The following KCNMB2 variants were observed in gnomAD, a reference collection of about 807,000 sequenced individuals.
KCNMB2 encodes the protein calcium-activated potassium channel subunit beta-2.
Under a neutral mutation model 24.5 loss-of-function variants are expected in KCNMB2, and 9 were observed. That is an observed-to-expected ratio of 0.37 (90% confidence interval 0.22 to 0.64). The LOEUF (loss-of-function observed/expected upper bound fraction) is 0.64, where lower values mean the gene tolerates loss of function less well. Among genes scored for constraint, KCNMB2 ranks in the 30% least tolerant of loss-of-function variants. The pLI is 0.63. For missense variants in KCNMB2, 226 were observed against 284.3 expected (o/e 0.79, Z 1.47); for synonymous variants, 109 against 104.4 (o/e 1.04, Z -0.27).
chr3:178,543,834 T>C, intron 1 of KCNMB2, among the ~76,000 whole-genome samples: 1 of 152,222 alleles, frequency 6.6e-6, no homozygotes, highest in Non-Finnish European at 1.5e-5. Context: ...CATAAAAATG[T>C]CACAGATTTT....
chr3:178,724,884 A>G (rs7428229), intron 1 of KCNMB2, among the ~76,000 whole-genome samples: 17,726 of 152,048 alleles, frequency 0.12, 1,310 homozygotes, highest in African/African-American at 0.21. Context: ...GTACCAGCAC[A>G]ATGCTGTTTT....
intron 1 of KCNMB2, among the ~76,000 whole-genome samples, chr3:178,658,463 C>T (rs974100802): frequency 6.6e-6 from 1 of 152,188 alleles, no homozygotes; most frequent in Non-Finnish European, 1.5e-5. Flanking sequence ...CTAGCACCCA[C>T]ATTTTACGCT....
intron 2 of KCNMB2, among the ~76,000 whole-genome samples, chr3:178,819,518 C>G (rs1489132420): frequency 6.6e-6 from 1 of 151,964 alleles, no homozygotes; most frequent in East Asian, 1.9e-4. Context: ...TCCCCCCACC[C>G]CCATCCCAGC....
chr3:178,633,678 C>G (rs147814349), intron 1 of KCNMB2, among the ~76,000 whole-genome samples: 1 of 152,228 alleles, frequency 6.6e-6, no homozygotes, highest in Non-Finnish European at 1.5e-5. Flanking sequence ...CCATGAAGGT[C>G]TCTGACATGC....
At chr3:178,672,663 T>C (rs754247271) in intron 1 of KCNMB2, among the ~76,000 whole-genome samples, 3 of 152,160 alleles carry the variant, frequency 2.0e-5, no homozygotes, top group Non-Finnish European at 4.4e-5. Flanking sequence ...CACAGAGAAA[T>C]GTGCCCATGA....
intron 1 of KCNMB2, among the ~76,000 whole-genome samples, chr3:178,597,446 TA>T (rs1203460556): frequency 6.6e-6 from 1 of 152,138 alleles, no homozygotes; most frequent in Non-Finnish European, 1.5e-5. Flanking sequence ...TGCAGGCATG[TA>T]AAAGCCACTT....
intron 1 of KCNMB2, among the ~76,000 whole-genome samples, chr3:178,547,786 T>C (rs2108451704): frequency 6.6e-6 from 1 of 152,328 alleles, no homozygotes; most frequent in Non-Finnish European, 1.5e-5. Flanking sequence ...AGCTGCAACC[T>C]TGCTCTTCCA....
At chr3:178,634,931 C>A (rs1333765144) in intron 1 of KCNMB2, among the ~76,000 whole-genome samples, 1 of 152,062 alleles carries the variant, frequency 6.6e-6, no homozygotes, top group African/African-American at 2.4e-5. Flanking sequence ...GAGATAGAGG[C>A]AACATGGGGT....
chr3:178,542,338 G>A (rs1299698896), intron 1 of KCNMB2, among the ~76,000 whole-genome samples: 1 of 152,146 alleles, frequency 6.6e-6, no homozygotes, highest in African/African-American at 2.4e-5. Context: ...AAGTTTAAAT[G>A]TCATAATATA....
At chr3:178,634,557 C>T (rs1014938142) in intron 1 of KCNMB2, among the ~76,000 whole-genome samples, 3 of 152,084 alleles carry the variant, frequency 2.0e-5, no homozygotes, top group East Asian at 1.9e-4. Context: ...GAGGTAACCA[C>T]CTCCATGATT....
At chr3:178,824,584 C>G in intron 2 of KCNMB2, 1 of 167,596 alleles carries the variant, frequency 6.0e-6, no homozygotes, top group Non-Finnish European at 1.3e-5. Context: ...CCATGTTAGC[C>G]AGGATGATCT....
chr3:178,579,554 C>A (rs1717121335), intron 1 of KCNMB2, among the ~76,000 whole-genome samples: 1 of 151,976 alleles, frequency 6.6e-6, no homozygotes, highest in African/African-American at 2.4e-5. Context: ...ACATGAAAAA[C>A]CCTTCAAAAA....
chr3:178,738,935 GAATC>G (rs35723599), intron 1 of KCNMB2, among the ~76,000 whole-genome samples: 22,336 of 151,982 alleles, frequency 0.15, 1,755 homozygotes, highest in Middle Eastern at 0.23. Context: ...AATACCTACT[GAATC>G]AGTCTGTTTC....
chr3:178,754,195 C>CATATATATATATAT (rs144108176), intron 1 of KCNMB2, among the ~76,000 whole-genome samples: 2 of 137,470 alleles, frequency 1.5e-5, no homozygotes, highest in Admixed American at 7.3e-5. Context: ...CACACACATA[C>CATATATATATATAT]ATATATATAT....
chr3:178,769,323 G>A (rs567530845), intron 1 of KCNMB2, among the ~76,000 whole-genome samples: 1 of 152,242 alleles, frequency 6.6e-6, no homozygotes, highest in East Asian at 1.9e-4. Flanking sequence ...CATGTCTTAT[G>A]GTTAGTGCCT....
chr3:178,625,813 C>T (rs1003567479), intron 1 of KCNMB2, among the ~76,000 whole-genome samples: 4 of 152,076 alleles, frequency 2.6e-5, no homozygotes, highest in Admixed American at 2.6e-4. Flanking sequence ...CTTTTCCTAC[C>T]CTTCTTACAT....
intron 1 of KCNMB2, among the ~76,000 whole-genome samples, chr3:178,539,728 A>T (rs78900053): frequency 0.15 from 22,017 of 151,574 alleles, 1,599 homozygotes; most frequent in Middle Eastern, 0.26. Context: ...AGAGAGAGAG[A>T]GTGTGTGTGT....
In KCNMB2 at chr3:178,764,518, A is replaced by G. The variant is rs75640252; in HGVS notation, c.-67-42825A>G. On this transcript the variant is annotated intron_variant, in intron 1 of 4. Transcript: ENST00000452583. ...GCAATAGGCTACACTATATAGTCTA[A>G]GTGTGTAGTAGGATATACCATCTAA... 2.8e-4 allele frequency among the ~76,000 whole-genome samples: 42 copies of G among 152,344 alleles called. 1 individual carries two copies. The East Asian group carries it at 8.1e-3, about 29-fold the overall frequency.
intron 1 of KCNMB2, among the ~76,000 whole-genome samples, chr3:178,607,013 G>A (rs1009811397): frequency 2.0e-5 from 3 of 152,174 alleles, no homozygotes; most frequent in African/African-American, 7.2e-5. Context: ...CTTCAGAACT[G>A]TGAGAAATAA....
Sources: allele counts gnomAD v4.1 joint callset (sites outside exome capture counted in the v4.1 genomes callset), GRCh38; gene constraint gnomAD v4.1.1; transcripts MANE v1.5; gene names NCBI Gene and HGNC (gene_info 2026-07-23, HGNC 2026-07-21).